Variants in ARHGEF2 observed in about 807,000 individuals in gnomAD.
ARHGEF2 encodes rho guanine nucleotide exchange factor 2.
In ARHGEF2, 22 loss-of-function variants were observed where a neutral mutation model predicts 121.0. The observed-to-expected ratio is 0.18, with a 90% CI of 0.13 to 0.26. ARHGEF2 has a LOEUF of 0.26. ARHGEF2 is among the 10% of genes least tolerant of loss of function. The pLI is 1.00. For missense variants in ARHGEF2, 907 were observed against 1,336.0 expected (o/e 0.68, Z 5.01); for synonymous variants, 487 against 530.0 (o/e 0.92, Z 1.11).
rs374018742 is a variant in ARHGEF2 at position 155,951,431 on chromosome 1, C to A, written c.2259+52G>T. 1.2e-6 allele frequency: 2 copies of A among 1,608,796 alleles called. No homozygotes were observed. Among genetic ancestry groups the A allele is most frequent in the Non-Finnish European group, 1.7e-6 (2 of 1,175,448 alleles). ...GATGACCATGCCCCACCTAAACAGG[C>A]ATCTCTAGCCTGGCTCCTCCCCTTC... On this transcript the variant is annotated intron_variant, in intron 19 of 21. Coordinates refer to ENST00000361247, the MANE Select transcript of ARHGEF2 (RefSeq NM_001162383.2). The surrounding 1 kb of genome is among the most constrained non-coding windows in gnomAD (Gnocchi z 5.1).
chr1:155,955,326 C>T (rs1395072047), intron 13 of ARHGEF2, among the ~76,000 whole-genome samples: 7 of 151,654 alleles, frequency 4.6e-5, no homozygotes, highest in African/African-American at 1.5e-4. Context: ...GGTTTCGTCA[C>T]GTTGGCCAGG....
At position 155,952,778 on chromosome 1, in the gene ARHGEF2, CCTT is replaced by C; in HGVS notation, c.1831_1833del (p.Lys611del). 6.2e-7 allele frequency: 1 copy of C among 1,614,222 alleles called. No individual in the cohort carries two copies. ...TGGGTCATCTCAGCAAACAGCCCGA[CCTT>C]CTCTCGCAGCAGCTCCACCAGTGCC... On this transcript the variant is annotated inframe_deletion, in exon 15 of 22. Coordinates refer to ENST00000361247, the MANE Select transcript of ARHGEF2 (RefSeq NM_001162383.2).
At chr1:155,975,359 C>A (rs1190102277) in intron 1 of ARHGEF2, among the ~76,000 whole-genome samples, 4 of 152,196 alleles carry the variant, frequency 2.6e-5, no homozygotes, top group Admixed American at 2.6e-4. Context: ...TAAGATCAGA[C>A]CCCACTGTAA....
At chr1:155,975,083 C>T (rs1460248073) in intron 1 of ARHGEF2, among the ~76,000 whole-genome samples, 1 of 152,006 alleles carries the variant, frequency 6.6e-6, no homozygotes, top group Non-Finnish European at 1.5e-5. Context: ...AACCAATCCG[C>T]TCACTCAGCT....
chr1:155,968,954 G>A (rs1204072998), intron 2 of ARHGEF2: 13 of 619,138 alleles, frequency 2.1e-5, no homozygotes, highest in African/African-American at 5.6e-5. Flanking sequence ...CAGATAGTCC[G>A]GCTTATGCCA....
Position 155,962,969 on chromosome 1 carries a change from A to G in ARHGEF2, c.939T>C (p.Phe313=), listed in dbSNP as rs752398593. The part of the protein sequence containing the change: ...QALCPGSTRN[F]VIHRLGDLLI... Reference sequence around the variant, plus strand: ...GCAGATCACCCAAGCGATGGATGACAAAGTTCCGGGTGCTGCCAGGGCACA... The same window carrying G: ...GCAGATCACCCAAGCGATGGATGACGAAGTTCCGGGTGCTGCCAGGGCACA... Residue 313 remains phenylalanine, a synonymous_variant, in exon 8 of 22, where the codon TTT becomes TTC. Transcript: ENST00000361247. The surrounding 1 kb of genome is among the most constrained non-coding windows in gnomAD (Gnocchi z 5.8). 3 of 1,614,180 alleles carry G rather than the reference A, an allele frequency of 1.9e-6. No individual in the cohort carries two copies. Among genetic ancestry groups the G allele is most frequent in the Non-Finnish European group, 2.5e-6 (3 of 1,180,042 alleles).
In ARHGEF2 at chr1:155,961,920, G is replaced by C; in HGVS notation, c.1220-11C>G. The stretch of plus-strand genomic sequence containing the variant: ...GCTCCTCCTCGATCCCTGGCACCGG[G>C]GGTTGGCATGGGGAACGGCTCAACC... On this transcript the variant is annotated splice_polypyrimidine_tract_variant and intron_variant, in intron 10 of 21. Transcript: ENST00000361247. The surrounding 1 kb of genome is among the most constrained non-coding windows in gnomAD (Gnocchi z 4.7). 1 of 1,613,462 alleles carries C rather than the reference G, an allele frequency of 6.2e-7. No homozygotes were observed. Among genetic ancestry groups the C allele is most frequent in the South Asian group, 1.1e-5 (1 of 91,076 alleles).
intron 7 of ARHGEF2, among the ~76,000 whole-genome samples, chr1:155,964,012 G>T (rs944235732): frequency 1.3e-5 from 2 of 150,584 alleles, no homozygotes; most frequent in African/African-American, 4.9e-5. Context: ...GGGTGTAGTT[G>T]TAGGCGCCTG....
At chr1:155,972,972 T>C (rs1680727655) in intron 1 of ARHGEF2, among the ~76,000 whole-genome samples, 1 of 152,118 alleles carries the variant, frequency 6.6e-6, no homozygotes, top group Non-Finnish European at 1.5e-5. Context: ...CCCAAAGTGC[T>C]AGAATTATAG....
In ARHGEF2 at chr1:155,969,825, C is replaced by T. The variant is rs376025127; in HGVS notation, c.64-525G>A. 183 of 986,696 alleles carry T rather than the reference C, an allele frequency of 1.9e-4. No individual in the cohort carries two copies. The East Asian group carries it at 0.012, about 67-fold the overall frequency. 61.1% of individuals were successfully genotyped at this position (986,696 alleles called of 1,614,324 possible). On this transcript the variant is annotated intron_variant, in intron 1 of 21. Coordinates refer to ENST00000361247, the MANE Select transcript of ARHGEF2 (RefSeq NM_001162383.2). ...CACAGTGGGGGGGGCAGGAGATCCC[C>T]TTATTAGATTGGCTGAAGGGGGCAG...
At position 155,951,427 on chromosome 1, in the gene ARHGEF2, C is replaced by A. The variant is rs1464586238; in HGVS notation, c.2259+56G>T. On this transcript the variant is annotated intron_variant, in intron 19 of 21. Coordinates refer to ENST00000361247, the MANE Select transcript of ARHGEF2 (RefSeq NM_001162383.2). This position sits in a 1 kb window ranked among gnomAD's most constrained non-coding sequence, Gnocchi z 5.1. ...TTGGGATGACCATGCCCCACCTAAA[C>A]AGGCATCTCTAGCCTGGCTCCTCCC... is the stretch of plus-strand genomic sequence containing the variant. 2 of 1,607,274 alleles carry A rather than the reference C, an allele frequency of 1.2e-6. No homozygotes were observed. The highest frequency in any genetic ancestry group is 2.7e-5 in the African/African-American group (2 of 74,782).
At chr1:155,969,822 C>T (rs1220941555) in intron 1 of ARHGEF2, 2 of 986,662 alleles carry the variant, frequency 2.0e-6, no homozygotes, top group Admixed American at 6.1e-5. Flanking sequence ...GGCAGGAGAT[C>T]CCCTTATTAG....
At chr1:155,974,850 A>AG (rs1433280512) in intron 1 of ARHGEF2, among the ~76,000 whole-genome samples, 21 of 102,896 alleles carry the variant, frequency 2.0e-4, no homozygotes, top group Admixed American at 1.5e-3. Context: ...AAGCAGAAAG[A>AG]GAGGGGGGGT....
rs753569962 is a variant in ARHGEF2 at position 155,957,843 on chromosome 1, G to A, written c.1585C>T (p.Arg529Ter). The change falls in exon 13 of 22, where the codon CGA becomes TGA. Residue 529 changes from arginine to a stop codon, truncating the protein, a stop_gained. Transcript: ENST00000361247. LOFTEE classifies it high-confidence loss of function. ...CCTTTCTCCTGGTTGGCAATGTCTC[G>A]TACGATTAGATTCTGCAGCGATACC... ...SVVSLQNLIV[R>*]DIANQEKGMF... 3 of 1,614,178 alleles carry A rather than the reference G, an allele frequency of 1.9e-6. No individual in the cohort carries two copies. The highest frequency in any genetic ancestry group is 1.7e-5 in the Admixed American group (1 of 60,022).
chr1:155,951,696 G>A lies in ARHGEF2; in HGVS notation c.2208+45C>T. The stretch of plus-strand genomic sequence containing the variant: ...ACTGGGCTCTAACTACTCAGACTAA[G>A]AACATCCTCCCTTCAGTCTCCTATA... On this transcript the variant is annotated intron_variant, in intron 18 of 21. Coordinates refer to ENST00000361247, the MANE Select transcript of ARHGEF2 (RefSeq NM_001162383.2). The surrounding 1 kb of genome is among the most constrained non-coding windows in gnomAD (Gnocchi z 5.1). 6.2e-7 allele frequency: 1 copy of A among 1,613,222 alleles called. No individual in the cohort carries two copies. The highest frequency in any genetic ancestry group is 8.5e-7 in the Non-Finnish European group (1 of 1,179,232).
chr1:155,947,736 G>T lies in ARHGEF2; in HGVS notation c.*206C>A. The T allele has an allele frequency of 1.8e-6, 1 of 545,370 alleles. No homozygotes were observed. The allele number at this position is 545,370 out of a possible 1,614,324, so 33.8% of individuals were successfully genotyped here. ...GGCATGAACCACTGGCATCTGTGGT[G>T]TAGCTTTCGGATGTCCCAGGGGGTG... On this transcript the variant is annotated 3_prime_UTR_variant, in exon 22 of 22. Transcript: ENST00000361247.
chr1:155,975,018 G>A (rs912311770), intron 1 of ARHGEF2, among the ~76,000 whole-genome samples: 3 of 120,340 alleles, frequency 2.5e-5, no homozygotes, highest in Non-Finnish European at 3.3e-5. Flanking sequence ...AAACAAACCC[G>A]GAAGGGTCCA....
intron 2 of ARHGEF2, 50 bp from the exon 3 acceptor site, chr1:155,966,937 G>A (rs1485229949): frequency 1.3e-6 from 2 of 1,552,200 alleles, no homozygotes; most frequent in Non-Finnish European, 1.8e-6. Context: ...TGGTACAGGA[G>A]GGGACACACC....
chr1:155,971,439 C>T (rs1572185923), intron 1 of ARHGEF2, among the ~76,000 whole-genome samples: 2 of 151,778 alleles, frequency 1.3e-5, no homozygotes, highest in Admixed American at 6.6e-5. Flanking sequence ...ATTAGCTGGG[C>T]GTAGTGGCAG....
Sources: gnomAD v4.1 joint callset for allele counts (sites outside exome capture counted in the v4.1 genomes callset) on GRCh38, gnomAD v4.1.1 for gene constraint, Gnocchi (gnomAD v3.1) non-coding constraint, MANE v1.5 for transcripts, NCBI Gene and HGNC (gene_info 2026-07-23, HGNC 2026-07-21) for gene names.